The following RNF115 variants were observed in gnomAD, a reference collection of about 807,000 sequenced individuals.
RNF115 encodes the protein ring finger protein 115, also known as E3 ubiquitin-protein ligase RNF115.
RNF115 carries 31 observed loss-of-function variants against 39.2 expected under a neutral mutation model. The observed-to-expected ratio is 0.79, with a 90% CI of 0.59 to 1.07. The LOEUF is 1.07. RNF115 is among the 50% of genes least tolerant of loss of function. The pLI, the probability that RNF115 is intolerant of heterozygous loss-of-function variation, is 0.00. For synonymous variants in RNF115, 124 were observed against 131.0 expected, an observed-to-expected ratio of 0.95 and a Z score of 0.37; for missense variants, 384 against 381.7, an observed-to-expected ratio of 1.01 and a Z score of -0.05.
intron 7 of RNF115, among the ~76,000 whole-genome samples, chr1:145,749,149 T>G (rs1657986690): frequency 6.6e-6 from 1 of 152,126 alleles, no homozygotes; most frequent in African/African-American, 2.4e-5. Flanking sequence ...TGGGATATGC[T>G]CCATGAACTA....
chr1:145,786,202 G>A (rs1461553469), intron 2 of RNF115, among the ~76,000 whole-genome samples: 1 of 152,180 alleles, frequency 6.6e-6, no homozygotes, highest in African/African-American at 2.4e-5. Context: ...TCTGAGAAAT[G>A]TTACAAAGCT....
Position 145,739,342 on chromosome 1 carries a change from C to A in RNF115, c.*7524G>T, listed in dbSNP as rs1319824721. The A allele has an allele frequency of 6.6e-6, 1 of 152,164 alleles. No individual in the cohort carries two copies. The highest frequency in any genetic ancestry group is 1.5e-5 in the Non-Finnish European group (1 of 68,030). 9.4% of individuals were successfully genotyped at this position (152,164 alleles called of 1,614,324 possible). A position where few individuals can be genotyped will look rare whatever the true frequency, so the allele number is the denominator to read the frequency against. On this transcript the variant is annotated 3_prime_UTR_variant, in exon 9 of 9. Transcript: ENST00000582693. ...GTGAGCCATTAAAAGGAAAGAGACA[C>A]TTTACCTGTGCTCCTTGGCAAGGAC... is the stretch of plus-strand genomic sequence containing the variant.
At chr1:145,779,121 A>G (rs1648008666) in intron 3 of RNF115, among the ~76,000 whole-genome samples, 1 of 152,122 alleles carries the variant, frequency 6.6e-6, no homozygotes, top group African/African-American at 2.4e-5. Flanking sequence ...CATGCCTAAC[A>G]CAGGATAATA....
chr1:145,819,512 A>G (rs1157664246), intron 1 of RNF115, among the ~76,000 whole-genome samples: 1 of 152,170 alleles, frequency 6.6e-6, no homozygotes, highest in Non-Finnish European at 1.5e-5. Context: ...AGACGGACTC[A>G]CAGCCAAACC....
At chr1:145,764,058 C>T (rs1553714273) in intron 4 of RNF115, among the ~76,000 whole-genome samples, 1 of 152,170 alleles carries the variant, frequency 6.6e-6, no homozygotes, top group Non-Finnish European at 1.5e-5. Context: ...CTATTGCAGG[C>T]GCGCGCCACC....
chr1:145,779,394 T>C (rs1648022543), intron 3 of RNF115, among the ~76,000 whole-genome samples: 1 of 152,008 alleles, frequency 6.6e-6, no homozygotes, highest in Non-Finnish European at 1.5e-5. Context: ...AGGCTGGTCT[T>C]GAACTCCTGG....
At chr1:145,754,228 T>C (rs1219504944) in intron 4 of RNF115, among the ~76,000 whole-genome samples, 2 of 152,232 alleles carry the variant, frequency 1.3e-5, no homozygotes, top group Admixed American at 6.5e-5. Context: ...TTTTGAAATA[T>C]GTATGCATTG....
intron 1 of RNF115, among the ~76,000 whole-genome samples, chr1:145,816,777 T>C (rs1328827713): frequency 1.4e-5 from 2 of 145,308 alleles, no homozygotes; most frequent in Non-Finnish European, 3.1e-5. Context: ...CTCCCCTCTC[T>C]CTTCTCTCTC....
chr1:145,811,883 C>CAAAAAAAAAAAAAAAAAAAAAAA (rs67086842), intron 1 of RNF115, among the ~76,000 whole-genome samples: 1 of 35,836 alleles, frequency 2.8e-5, no homozygotes, highest in Non-Finnish European at 6.7e-5. Context: ...TTCTGTCTCA[C>CAAAAAAAAAAAAAAAAAAAAAAA]AAAAAAAAAA....
At chr1:145,766,988 A>G (rs1331394744) in intron 4 of RNF115, among the ~76,000 whole-genome samples, 1 of 135,510 alleles carries the variant, frequency 7.4e-6, no homozygotes, top group African/African-American at 3.0e-5. Context: ...GGCCGGGCAG[A>G]GGGGCTCCTC....
chr1:145,823,773 G>A lies in RNF115; in HGVS notation c.101C>T (p.Pro34Leu). The A allele has an allele frequency of 6.4e-7, 1 of 1,571,478 alleles. No homozygotes were observed. The highest frequency in any genetic ancestry group is 8.6e-7 in the Non-Finnish European group (1 of 1,161,546). Residue 34 changes from proline (P) to leucine (L), a missense_variant and splice_region_variant, in exon 1 of 9, where the codon CCG becomes CTG. Coordinates refer to ENST00000582693, the MANE Select transcript of RNF115 (RefSeq NM_014455.4). ...GTATAGAGAACACAGCGCTCTTACC[G>A]GTAGTTTGGGGCTGACCTCGCCCTT... ...FCKGEVSPKL[P>L]EYICPRCESG... is the part of the protein sequence containing the mutation.
At chr1:145,791,152 A>T (rs1411319917) in intron 1 of RNF115, among the ~76,000 whole-genome samples, 1 of 151,698 alleles carries the variant, frequency 6.6e-6, no homozygotes, top group East Asian at 1.9e-4. Flanking sequence ...AAAAAAAAAA[A>T]GTAAGAAACT....
chr1:145,794,272 T>G (rs1299663011), intron 1 of RNF115, among the ~76,000 whole-genome samples: 2 of 152,122 alleles, frequency 1.3e-5, no homozygotes, highest in African/African-American at 4.8e-5. Context: ...ATATTTCAAT[T>G]ATTTACAAAA....
chr1:145,808,814 T>A (rs1169851665), intron 1 of RNF115, among the ~76,000 whole-genome samples: 1 of 152,174 alleles, frequency 6.6e-6, no homozygotes, highest in African/African-American at 2.4e-5. Flanking sequence ...GAGATCAGGA[T>A]CTAATAACTG....
intron 4 of RNF115, among the ~76,000 whole-genome samples, chr1:145,757,799 G>A (rs587691557): frequency 7.2e-6 from 1 of 138,110 alleles, no homozygotes; most frequent in Non-Finnish European, 1.7e-5. Flanking sequence ...ATCACTGTAT[G>A]TTGGGTGTGT....
chr1:145,798,120 T>C (rs1285497937), intron 1 of RNF115, among the ~76,000 whole-genome samples: 1 of 152,226 alleles, frequency 6.6e-6, no homozygotes, highest in Non-Finnish European at 1.5e-5. Context: ...ATTGTGTTCA[T>C]TGATGCACCA....
intron 3 of RNF115, among the ~76,000 whole-genome samples, chr1:145,778,160 A>G (rs1333383697): frequency 2.0e-5 from 3 of 152,228 alleles, no homozygotes; most frequent in Admixed American, 6.5e-5. Context: ...ATAAAAATGA[A>G]GTACTGATAC....
chr1:145,787,065 T>C, intron 2 of RNF115: 1 of 1,271,958 alleles, frequency 7.9e-7, no homozygotes, highest in Non-Finnish European at 1.0e-6. Flanking sequence ...CTTTAGATTC[T>C]GCCAACAGTA....
chr1:145,803,186 T>C (rs1649325339), intron 1 of RNF115, among the ~76,000 whole-genome samples: 1 of 152,184 alleles, frequency 6.6e-6, no homozygotes, highest in Non-Finnish European at 1.5e-5. Context: ...CAAGGAGTTG[T>C]AAGCAATTGT....
Sources: gnomAD v4.1 joint callset for allele counts (sites outside exome capture counted in the v4.1 genomes callset) on GRCh38, gnomAD v4.1.1 for gene constraint, MANE v1.5 for transcripts, NCBI Gene and HGNC (gene_info 2026-07-23, HGNC 2026-07-21) for gene names.